The following COL4A1 variants were observed in gnomAD, a reference collection of about 807,000 sequenced individuals.
COL4A1 encodes the protein collagen alpha-1(IV) chain.
COL4A1 carries 40 observed loss-of-function variants against 216.6 expected under a neutral mutation model. That is an observed-to-expected ratio of 0.18 (90% CI 0.14 to 0.24). The LOEUF (loss-of-function observed/expected upper bound fraction) is 0.24. COL4A1 is among the 10% of genes least tolerant of loss of function. COL4A1 has a pLI of 1.00. For missense variants in COL4A1, 1,628 were observed against 2,196.8 expected (o/e 0.74, Z 5.18); for synonymous variants, 839 against 810.7 (o/e 1.03, Z -0.59).
chr13:110,252,596 G>A (rs1333081757), intron 1 of COL4A1, among the ~76,000 whole-genome samples: 2 of 37,742 alleles, frequency 5.3e-5, no homozygotes, highest in African/African-American at 9.6e-5. Context: ...ATAATTATAC[G>A]TATATATGTA....
intron 2 of COL4A1, among the ~76,000 whole-genome samples, chr13:110,234,443 G>A (rs9670927): frequency 6.6e-6 from 1 of 151,898 alleles, no homozygotes; most frequent in East Asian, 1.9e-4. Flanking sequence ...TTAGCCAGGT[G>A]GGGGGGTACA....
At chr13:110,286,560 A>G (rs621929) in intron 1 of COL4A1, among the ~76,000 whole-genome samples, 129,770 of 151,848 alleles carry the variant, frequency 0.85, 55,565 homozygotes, top group East Asian at 0.99. Flanking sequence ...CAGTAAGACC[A>G]CCAGCTGGGA....
chr13:110,283,591 C>A (rs753981855), intron 1 of COL4A1, among the ~76,000 whole-genome samples: 1 of 152,204 alleles, frequency 6.6e-6, no homozygotes, highest in Non-Finnish European at 1.5e-5. Context: ...TGCATACACT[C>A]CCTCACATAC....
intron 18 of COL4A1, 82 bp from the exon 19 acceptor site, chr13:110,201,604 T>G (rs975859773): frequency 1.7e-6 from 2 of 1,151,274 alleles, no homozygotes; most frequent in Non-Finnish European, 1.3e-6. Flanking sequence ...AGTGAAGAAA[T>G]GTACATATTT....
At chr13:110,173,138 G>C (rs1441629531) in intron 40 of COL4A1, among the ~76,000 whole-genome samples, 1 of 152,168 alleles carries the variant, frequency 6.6e-6, no homozygotes, top group Admixed American at 6.5e-5. Flanking sequence ...AAGAGATTTG[G>C]GGCAGCAGAT....
intron 1 of COL4A1, chr13:110,265,232 A>C (rs1297742966): frequency 6.6e-6 from 1 of 152,292 alleles, no homozygotes; most frequent in African/African-American, 2.4e-5. Flanking sequence ...CAGAAAGAGG[A>C]AAGAGGAAAG....
intron 28 of COL4A1, among the ~76,000 whole-genome samples, chr13:110,182,070 A>G (rs1289495152): frequency 6.6e-6 from 1 of 152,228 alleles, no homozygotes; most frequent in Non-Finnish European, 1.5e-5. Context: ...CACATGGGTC[A>G]CGGCCTCAGG....
chr13:110,169,497 AACACACACAC>A (rs3832901), intron 43 of COL4A1, 122 bp downstream of exon 43: 14 of 1,184,758 alleles, frequency 1.2e-5, no homozygotes, highest in South Asian at 1.5e-5. Flanking sequence ...GTGGGAGTGT[AACACACACAC>A]ACACACACAC....
rs573385917 is a variant in COL4A1, at chr13:110,161,384, A to G, written c.4463-15T>C. On this transcript the variant is annotated splice_polypyrimidine_tract_variant and intron_variant, in intron 48 of 51. Coordinates refer to ENST00000375820, the MANE Select transcript of COL4A1 (RefSeq NM_001845.6). ...GCCGGCCGTGCCTAGACAAGGAAGA[A>G]GACAATGTGAGATGTTTCCTTTATA... 3.5e-5 allele frequency: 56 copies of G among 1,595,786 alleles called. No individual in the cohort carries two copies. The African/African-American group carries it at 3.9e-4, about 11-fold the overall frequency.
At chr13:110,277,616 CCACCA>C (rs1883478205) in intron 1 of COL4A1, among the ~76,000 whole-genome samples, 1 of 152,202 alleles carries the variant, frequency 6.6e-6, no homozygotes, top group African/African-American at 2.4e-5. Flanking sequence ...CCAGACCTCA[CCACCA>C]CACAGTATGT....
chr13:110,194,870 A>G lies in COL4A1; in HGVS notation c.1381+153T>C, dbSNP rs9521643. ...ATCAACTAAGTTCCGGAAGATGCTT[A>G]TTCTAGGAAGAGATTGTGAAGAGGG... On this transcript the variant is annotated intron_variant, in intron 22 of 51. Transcript: ENST00000375820. Among the ~76,000 whole-genome samples, 51,913 of 151,980 alleles carry G rather than the reference A, an allele frequency of 0.34. 9,431 individuals are homozygous for G. Among genetic ancestry groups the G allele is most frequent in the Admixed American group, 0.41 (6,295 of 15,266 alleles).
intron 2 of COL4A1, among the ~76,000 whole-genome samples, chr13:110,214,416 T>C (rs927046850): frequency 6.6e-6 from 1 of 152,178 alleles, no homozygotes; most frequent in Non-Finnish European, 1.5e-5. Flanking sequence ...AGGTGCCAAG[T>C]TGACTGGGTC....
Position 110,181,404 on chromosome 13 carries a change from C to CAA in COL4A1, c.2096-17_2096-16dup, listed in dbSNP as rs112508409. 4.1e-4 allele frequency: 504 copies of CAA among 1,237,200 alleles called. No individual in the cohort carries two copies. The highest frequency in any genetic ancestry group is 5.0e-4 in the Non-Finnish European group (447 of 889,186). 76.6% of individuals were successfully genotyped at this position (1,237,200 alleles called of 1,614,324 possible). On this transcript the variant is annotated splice_polypyrimidine_tract_variant and intron_variant, in intron 28 of 51. Coordinates refer to ENST00000375820, the MANE Select transcript of COL4A1 (RefSeq NM_001845.6). ...GCCGTCAACACCTGTTTTAAAGAGT[C>CAA]AAAAAAAAAAAACAAACAAACAATC...
At chr13:110,203,706 T>C in intron 17 of COL4A1, 99 bp from the exon 18 acceptor site, 1 of 1,252,486 alleles carries the variant, frequency 8.0e-7, no homozygotes. Flanking sequence ...AGAGTGTGCC[T>C]ACAGTAAATT....
rs1566362248 is a variant in COL4A1, at chr13:110,192,197, C to CA, written c.1536+16dup. On this transcript the variant is annotated intron_variant, in intron 24 of 51. Transcript: ENST00000375820. ...GCAACTTCTGATATGTACATGAACT[C>CA]AGACAGGTTTACTTACTGGCACTCC... 6.2e-7 allele frequency: 1 copy of CA among 1,613,936 alleles called. No individual in the cohort carries two copies. The highest frequency in any genetic ancestry group is 2.2e-5 in the East Asian group (1 of 44,878).
chr13:110,191,956 A>C (rs968267852), intron 24 of COL4A1, among the ~76,000 whole-genome samples: 1 of 152,214 alleles, frequency 6.6e-6, no homozygotes, highest in Non-Finnish European at 1.5e-5. Flanking sequence ...ACACCTGAAC[A>C]CAGGTCGGCA....
intron 29 of COL4A1, among the ~76,000 whole-genome samples, chr13:110,180,572 G>A (rs907343787): frequency 6.6e-6 from 1 of 152,214 alleles, no homozygotes; most frequent in Non-Finnish European, 1.5e-5. Context: ...AATGCCTTCT[G>A]GCAATTTCAC....
intron 50 of COL4A1, 36 bp downstream of exon 50, chr13:110,155,247 C>T (rs1159037411): frequency 1.3e-6 from 2 of 1,527,500 alleles, no homozygotes; most frequent in African/African-American, 2.7e-5. Flanking sequence ...GAGTGGGGCT[C>T]TTCCCGGGAA....
Position 110,191,188 on chromosome 13 carries a change from C to T in COL4A1, c.1536+1026G>A, listed in dbSNP as rs568935441. 290 of 152,922 alleles carry T rather than the reference C, an allele frequency of 1.9e-3. 1 individual carries two copies. Among genetic ancestry groups the T allele is most frequent in the Non-Finnish European group, 3.5e-3 (241 of 68,488 alleles). 9.5% of individuals were successfully genotyped at this position (152,922 alleles called of 1,614,324 possible). On this transcript the variant is annotated intron_variant, in intron 24 of 51. Coordinates refer to ENST00000375820, the MANE Select transcript of COL4A1 (RefSeq NM_001845.6). Reference sequence around the variant, plus strand: ...AGAGCAAAAGCCCAAGATCTAACTTCAAAAGCAGAAAATGATTGCTGAATT... The same window carrying T: ...AGAGCAAAAGCCCAAGATCTAACTTTAAAAGCAGAAAATGATTGCTGAATT...
Sources: allele counts gnomAD v4.1 joint callset (sites outside exome capture counted in the v4.1 genomes callset), GRCh38; gene constraint gnomAD v4.1.1; transcripts MANE v1.5; gene names NCBI Gene and HGNC (gene_info 2026-07-23, HGNC 2026-07-21).